Variants in JMJD1C observed in about 807,000 individuals in gnomAD.
JMJD1C encodes jumonji domain containing 1C.
Under a neutral mutation model 245.3 loss-of-function variants are expected in JMJD1C, and 31 were observed. That is an observed-to-expected ratio of 0.13 (90% confidence interval 0.09 to 0.17). JMJD1C has a LOEUF of 0.17. Ranked by LOEUF, JMJD1C falls within the 10% of genes least tolerant of loss-of-function variation. The probability of loss-of-function intolerance (pLI) is 1.00; values close to 1 mark genes in which losing one functional copy is unlikely to be tolerated. For synonymous variants in JMJD1C, 1,057 were observed against 1,017.4 expected, an observed-to-expected ratio of 1.04 and a Z score of -0.74; for missense variants, 2,691 against 3,000.2, an observed-to-expected ratio of 0.90 and a Z score of 2.41.
intron 2 of JMJD1C, among the ~76,000 whole-genome samples, chr10:63,356,650 A>G (rs117649056): frequency 0.027 from 4,078 of 152,304 alleles, 84 homozygotes; most frequent in Non-Finnish European, 0.041. Flanking sequence ...GTATATGTAT[A>G]TAAGTTCTCT....
chr10:63,246,538 CAA>C lies in JMJD1C; in HGVS notation c.447+18111_447+18112del, dbSNP rs534075559. Among the ~76,000 whole-genome samples the C allele has an allele frequency of 3.3e-5, 5 of 151,594 alleles. No homozygotes were observed. In the South Asian group the frequency reaches 1.0e-3, roughly 32 times the overall value. ...GAGAGAATTTTTTTTTCCTAAGAAA[CAA>C]AACCTGAGAGAATTTATCACCACCA... is the stretch of plus-strand genomic sequence containing the variant. On this transcript the variant is annotated intron_variant, in intron 3 of 25. Coordinates refer to ENST00000399262, the MANE Select transcript of JMJD1C (RefSeq NM_032776.3).
chr10:63,416,771 G>A (rs1182002659), intron 1 of JMJD1C, among the ~76,000 whole-genome samples: 2 of 152,052 alleles, frequency 1.3e-5, no homozygotes, highest in African/African-American at 4.8e-5. Flanking sequence ...TTTTAAAAAT[G>A]CTTACAAAAT....
At position 63,207,439 on chromosome 10, in the gene JMJD1C, G is replaced by A; in HGVS notation, c.4230C>T (p.Ser1410=). 1 of 1,614,182 alleles carries A rather than the reference G, an allele frequency of 6.2e-7. No individual in the cohort carries two copies. Among genetic ancestry groups the A allele is most frequent in the Non-Finnish European group, 8.5e-7 (1 of 1,180,036 alleles). The change falls in exon 10 of 26, where the codon AGC becomes AGT. Residue 1410 remains serine, a synonymous_variant. Transcript: ENST00000399262. ...AGGAAATTACTTCTGAACCACCCCA[G>A]CTGGAAACACTGGTAGTATCGGCAG... ...TSAADTTSVS[S]WGGSEVISSL...
intron 3 of JMJD1C, among the ~76,000 whole-genome samples, chr10:63,259,566 T>C (rs1353020180): frequency 6.6e-6 from 1 of 152,168 alleles, no homozygotes; most frequent in African/African-American, 2.4e-5. Flanking sequence ...ATTTATATGA[T>C]CAATGATGAA....
Position 63,191,029 on chromosome 10 carries a change from T to C in JMJD1C, c.6156A>G (p.Thr2052=). The C allele has an allele frequency of 6.2e-7, 1 of 1,614,198 alleles. No homozygotes were observed. The highest frequency in any genetic ancestry group is 8.5e-7 in the Non-Finnish European group (1 of 1,179,998). The change falls in exon 17 of 26, where the codon ACA becomes ACG. Residue 2052 remains threonine, a synonymous_variant. Transcript: ENST00000399262. Reference sequence around the variant, plus strand: ...CATTATTCTGGGACACAAGAGGTGATGTTCTGCCATTTGGAGATTCAGAGT... The same window carrying C: ...CATTATTCTGGGACACAAGAGGTGACGTTCTGCCATTTGGAGATTCAGAGT... ...QDNSESPNGR[T]SPLVSQNNEQ...
chr10:63,273,950 G>T (rs1243497359), intron 2 of JMJD1C, among the ~76,000 whole-genome samples: 5 of 151,962 alleles, frequency 3.3e-5, no homozygotes, highest in Non-Finnish European at 5.9e-5. Flanking sequence ...ATTTATCTTG[G>T]GCCATGAAAA....
intron 2 of JMJD1C, among the ~76,000 whole-genome samples, chr10:63,317,734 T>C (rs1160238756): frequency 6.6e-6 from 1 of 152,180 alleles, no homozygotes; most frequent in Non-Finnish European, 1.5e-5. Context: ...TTTGATATCA[T>C]TCCAAAGGCC....
At chr10:63,463,982 A>T (rs978757247) in intron 1 of JMJD1C, among the ~76,000 whole-genome samples, 13 of 150,426 alleles carry the variant, frequency 8.6e-5, no homozygotes, top group Non-Finnish European at 1.5e-4. Context: ...ATATATACAA[A>T]TTTTTTTTTT....
intron 10 of JMJD1C, chr10:63,203,837 GTT>G: frequency 3.1e-6 from 3 of 977,236 alleles, no homozygotes; most frequent in Non-Finnish European, 3.6e-6. Context: ...ATATTACATA[GTT>G]TAGGTGTAAG....
chr10:63,362,391 C>A (rs893980522), intron 2 of JMJD1C, among the ~76,000 whole-genome samples: 2 of 152,016 alleles, frequency 1.3e-5, no homozygotes, highest in African/African-American at 2.4e-5. Context: ...TTTAAGTGCA[C>A]AATTCTTGCC....
intron 2 of JMJD1C, among the ~76,000 whole-genome samples, chr10:63,345,888 C>T (rs1370493312): frequency 6.6e-6 from 1 of 151,832 alleles, no homozygotes; most frequent in Non-Finnish European, 1.5e-5. Flanking sequence ...GTCTTTAACT[C>T]AGTACTAATT....
At chr10:63,213,101 G>C (rs1268057549) in intron 8 of JMJD1C, among the ~76,000 whole-genome samples, 1 of 149,906 alleles carries the variant, frequency 6.7e-6, no homozygotes, top group Non-Finnish European at 1.5e-5. Context: ...CAGAAGAATT[G>C]CTTGAACCTG....
intron 2 of JMJD1C, among the ~76,000 whole-genome samples, chr10:63,354,789 T>A (rs201494155): frequency 1.4e-5 from 2 of 145,318 alleles, no homozygotes; most frequent in African/African-American, 5.1e-5. Flanking sequence ...TTGGGGCAGG[T>A]GGATTGCTTG....
chr10:63,277,731 C>CTTTTTTGTTTTTTTTTT (rs1856944984), intron 2 of JMJD1C, among the ~76,000 whole-genome samples: 1 of 64,260 alleles, frequency 1.6e-5, no homozygotes, highest in Non-Finnish European at 2.6e-5. Flanking sequence ...ATTTGCATTT[C>CTTTTTTGTTTTTTTTTT]TTTTTTTTTT....
rs541497707 is a variant in JMJD1C at position 63,307,454 on chromosome 10, A to C, written c.334-42690T>G. On this transcript the variant is annotated intron_variant, in intron 2 of 25. Transcript: ENST00000399262. ...CCTTGTGAAACCTACTACAAACTACATCAGGAGAAATCTTTAAGAAAAATA... is the reference window on the plus strand; with the variant it reads ...CCTTGTGAAACCTACTACAAACTACCTCAGGAGAAATCTTTAAGAAAAATA... Among the ~76,000 whole-genome samples the C allele has an allele frequency of 3.3e-5, 5 of 152,358 alleles. No individual in the cohort carries two copies. The South Asian group carries it at 6.2e-4, about 19-fold the overall frequency.
At chr10:63,359,154 G>C (rs1035272695) in intron 2 of JMJD1C, 2 of 152,458 alleles carry the variant, frequency 1.3e-5, no homozygotes, top group Admixed American at 1.3e-4. Flanking sequence ...TTCTTAGAAA[G>C]TAACATTTTG....
At chr10:63,503,622 C>A (rs766706395) in intron 1 of JMJD1C, among the ~76,000 whole-genome samples, 1 of 152,206 alleles carries the variant, frequency 6.6e-6, no homozygotes, top group Non-Finnish European at 1.5e-5. Context: ...GCTTTTTATT[C>A]CTACGGGCAA....
chr10:63,390,039 A>C (rs1947930071), intron 1 of JMJD1C, among the ~76,000 whole-genome samples: 1 of 152,198 alleles, frequency 6.6e-6, no homozygotes, highest in African/African-American at 2.4e-5. Flanking sequence ...AATTAAGATC[A>C]AGAAGAAACA....
At chr10:63,296,763 T>C (rs371640897) in intron 2 of JMJD1C, among the ~76,000 whole-genome samples, 1 of 152,232 alleles carries the variant, frequency 6.6e-6, no homozygotes, top group East Asian at 1.9e-4. Context: ...AGATCAGCTA[T>C]ATTTTCTACA....
Sources: gnomAD v4.1 joint callset for allele counts (sites outside exome capture counted in the v4.1 genomes callset) on GRCh38, gnomAD v4.1.1 for gene constraint, MANE v1.5 for transcripts, NCBI Gene and HGNC (gene_info 2026-07-23, HGNC 2026-07-21) for gene names.